The following CNTN4 variants were observed in gnomAD, a reference collection of about 807,000 sequenced individuals.
The protein encoded by CNTN4 is contactin 4.
In CNTN4, 77 loss-of-function variants were observed where a neutral mutation model predicts 122.5. The ratio of observed to expected loss-of-function variants is 0.63; its 90% CI spans 0.52 to 0.76. CNTN4 has a LOEUF of 0.76. Among genes scored for constraint, CNTN4 ranks in the 30% least tolerant of loss-of-function variants. The pLI is 0.00. For missense variants in CNTN4, 1,256 were observed against 1,259.1 expected (o/e 1.00, Z 0.04); for synonymous variants, 512 against 447.0 (o/e 1.15, Z -1.83).
chr3:2,257,015 A>C (rs140587078), intron 2 of CNTN4, among the ~76,000 whole-genome samples: 1 of 152,192 alleles, frequency 6.6e-6, no homozygotes, highest in African/African-American at 2.4e-5. Flanking sequence ...GGCTGGAGGC[A>C]TCAGGCTACC....
chr3:2,643,960 C>A (rs1000162617), intron 4 of CNTN4, among the ~76,000 whole-genome samples: 1 of 152,098 alleles, frequency 6.6e-6, no homozygotes, highest in African/African-American at 2.4e-5. Context: ...ATCTGATCAC[C>A]CCACCGTGTC....
chr3:2,655,716 A>G (rs533366220), intron 4 of CNTN4, among the ~76,000 whole-genome samples: 1 of 152,326 alleles, frequency 6.6e-6, no homozygotes, highest in Non-Finnish European at 1.5e-5. Flanking sequence ...GCACATTGCC[A>G]GAGCTATTTG....
At chr3:2,957,617 C>T (rs1374742897) in intron 13 of CNTN4, among the ~76,000 whole-genome samples, 1 of 152,060 alleles carries the variant, frequency 6.6e-6, no homozygotes, top group African/African-American at 2.4e-5. Flanking sequence ...TCTAACAGTT[C>T]CCAGCATCTG....
Position 2,269,910 on chromosome 3 carries a change from G to A in CNTN4, c.-144-69268G>A, listed in dbSNP as rs62244976. On this transcript the variant is annotated intron_variant, in intron 2 of 24. Transcript: ENST00000418658. Reference sequence around the variant, plus strand: ...CCTATTATAGCCAGTTTGTTTGTTTGTTTGTTTATTTATTTATTTATTTAT... The same window carrying A: ...CCTATTATAGCCAGTTTGTTTGTTTATTTGTTTATTTATTTATTTATTTAT... Among the ~76,000 whole-genome samples, 210 of 26,648 alleles carry A rather than the reference G, an allele frequency of 7.9e-3. 30 individuals carry two copies. Among genetic ancestry groups the A allele is most frequent in the Middle Eastern group, 0.025 (1 of 40 alleles). The allele number at this position is 26,648 out of a possible 152,430, so 17.5% of individuals were successfully genotyped here.
At chr3:2,824,882 C>G (rs1241915291) in intron 7 of CNTN4, among the ~76,000 whole-genome samples, 2 of 152,126 alleles carry the variant, frequency 1.3e-5, no homozygotes, top group African/African-American at 4.8e-5. Flanking sequence ...AGGCTGATCT[C>G]AAACTCCCGA....
chr3:2,954,015 G>A (rs917713962), intron 13 of CNTN4, among the ~76,000 whole-genome samples: 1 of 152,190 alleles, frequency 6.6e-6, no homozygotes. Context: ...ATACTAAACA[G>A]GGAATGGAGT....
At chr3:2,278,784 A>C (rs564001112) in intron 2 of CNTN4, among the ~76,000 whole-genome samples, 1 of 149,762 alleles carries the variant, frequency 6.7e-6, no homozygotes, top group Non-Finnish European at 1.5e-5. Context: ...ACACTTCATA[A>C]TATTACTGTG....
chr3:2,590,019 G>A (rs562616433), intron 4 of CNTN4, among the ~76,000 whole-genome samples: 4 of 152,274 alleles, frequency 2.6e-5, no homozygotes, highest in African/African-American at 7.2e-5. Flanking sequence ...TATTTTAGAA[G>A]GGGGAGTGTC....
chr3:2,378,589 A>G (rs2045908119), intron 3 of CNTN4, among the ~76,000 whole-genome samples: 1 of 152,154 alleles, frequency 6.6e-6, no homozygotes, highest in African/African-American at 2.4e-5. Flanking sequence ...AGACTGTGCT[A>G]GGTGCTTGGT....
At chr3:2,717,938 G>A (rs10084764) in intron 4 of CNTN4, among the ~76,000 whole-genome samples, 24,046 of 151,922 alleles carry the variant, frequency 0.16, 1,986 homozygotes, top group African/African-American at 0.2. Context: ...CTTTTCATGT[G>A]TTTATTGACC....
In CNTN4 at chr3:2,912,357, G is replaced by A. The variant is rs190329015; in HGVS notation, c.1207+9352G>A. ...GTAAAACTGTCCTTCCAAAATGAGGGAGAAGTGGAGACTTTCCCAGATAAA... is the reference window on the plus strand; with the variant it reads ...GTAAAACTGTCCTTCCAAAATGAGGAAGAAGTGGAGACTTTCCCAGATAAA... On this transcript the variant is annotated intron_variant, in intron 12 of 24. Coordinates refer to ENST00000418658, the MANE Select transcript of CNTN4 (RefSeq NM_175607.3). 7.2e-4 allele frequency among the ~76,000 whole-genome samples: 110 copies of A among 152,290 alleles called. No homozygotes were observed. In the East Asian group the frequency reaches 0.017, roughly 24 times the overall value.
At chr3:2,747,950 C>G (rs963448877) in intron 6 of CNTN4, among the ~76,000 whole-genome samples, 1 of 152,180 alleles carries the variant, frequency 6.6e-6, no homozygotes, top group African/African-American at 2.4e-5. Context: ...TTTAAAGATG[C>G]TGGTTACTCT....
At position 2,520,259 on chromosome 3, in the gene CNTN4, C is replaced by CTTTTTTTTT. The variant is rs397988483; in HGVS notation, c.-88-51134_-88-51126dup. 6.6e-4 allele frequency among the ~76,000 whole-genome samples: 49 copies of CTTTTTTTTT among 74,470 alleles called. 2 individuals are homozygous for CTTTTTTTTT. Among genetic ancestry groups the CTTTTTTTTT allele is most frequent in the African/African-American group, 2.2e-3 (31 of 13,852 alleles). 48.9% of individuals were successfully genotyped at this position (74,470 alleles called of 152,430 possible). On this transcript the variant is annotated intron_variant, in intron 3 of 24. Transcript: ENST00000418658. The stretch of plus-strand genomic sequence containing the variant: ...AAAAAGATAGGTTGGTGATTGCTTC[C>CTTTTTTTTT]TTTTTTTTTTTTTTTTTTTTTTTTT...
chr3:2,444,898 C>A (rs1363019118), intron 3 of CNTN4, among the ~76,000 whole-genome samples: 1 of 151,844 alleles, frequency 6.6e-6, no homozygotes, highest in East Asian at 1.9e-4. Context: ...ATTTGTACCC[C>A]TTGACAAAAG....
intron 3 of CNTN4, among the ~76,000 whole-genome samples, chr3:2,554,062 C>G (rs1177863982): frequency 2.0e-5 from 3 of 152,130 alleles, no homozygotes; most frequent in South Asian, 2.1e-4. Flanking sequence ...TAATCTACAT[C>G]ACAAACCTTG....
chr3:2,307,806 C>CT (rs57464687), intron 2 of CNTN4, among the ~76,000 whole-genome samples: 46,032 of 151,544 alleles, frequency 0.3, 8,220 homozygotes, highest in African/African-American at 0.5. Context: ...CTGTTGTGGT[C>CT]ATAATTCTTT....
intron 2 of CNTN4, among the ~76,000 whole-genome samples, chr3:2,154,706 A>G (rs1343880946): frequency 6.6e-6 from 1 of 152,214 alleles, no homozygotes; most frequent in East Asian, 1.9e-4. Flanking sequence ...CTTTCAGTAG[A>G]GACTTGAATG....
In CNTN4 at chr3:2,472,365, C is replaced by T. The variant is rs529867913; in HGVS notation, c.-88-99051C>T. 4.7e-4 allele frequency among the ~76,000 whole-genome samples: 72 copies of T among 152,068 alleles called. 1 individual carries two copies. In the South Asian group the frequency reaches 0.013, roughly 27 times the overall value. On this transcript the variant is annotated intron_variant, in intron 3 of 24. Transcript: ENST00000418658. Reference sequence around the variant, plus strand: ...AAGCGATTGTCCTCCTTCAGCTTCCCGAGTAACTGGATTACATGCATGCAT... The same window carrying T: ...AAGCGATTGTCCTCCTTCAGCTTCCTGAGTAACTGGATTACATGCATGCAT...
intron 1 of CNTN4, among the ~76,000 whole-genome samples, chr3:2,100,065 T>C (rs1175351784): frequency 6.6e-6 from 1 of 152,134 alleles, no homozygotes; most frequent in Admixed American, 6.6e-5. Context: ...GTCTGCAGAT[T>C]CGGTGCGAAG....
Sources: allele counts gnomAD v4.1 joint callset (sites outside exome capture counted in the v4.1 genomes callset), GRCh38; gene constraint gnomAD v4.1.1; transcripts MANE v1.5; gene names NCBI Gene and HGNC (gene_info 2026-07-23, HGNC 2026-07-21).